The following TRMT61B variants were observed in gnomAD, a reference collection of about 807,000 sequenced individuals.
TRMT61B encodes tRNA methyltransferase 61B, also known as tRNA (adenine(58)-N(1))-methyltransferase, mitochondrial.
A neutral mutation model predicts 52.0 loss-of-function variants in TRMT61B; 56 were observed. The ratio of observed to expected loss-of-function variants is 1.08; its 90% CI spans 0.87 to 1.35. The LOEUF (loss-of-function observed/expected upper bound fraction) is 1.35. Among genes scored for constraint, TRMT61B ranks in the 40% most tolerant of loss-of-function variants. The probability of loss-of-function intolerance (pLI) is 0.00; values close to 1 mark genes in which losing one functional copy is unlikely to be tolerated. For missense variants in TRMT61B, 650 were observed against 577.9 expected (o/e 1.12, Z -1.28); for synonymous variants, 206 against 220.0 (o/e 0.94, Z 0.56).
chr2:28,853,180 CTT>C (rs772932797), intron 3 of TRMT61B, among the ~76,000 whole-genome samples: 18 of 143,518 alleles, frequency 1.3e-4, no homozygotes, highest in Admixed American at 1.4e-4. Flanking sequence ...TGTGAATTTC[CTT>C]TTTTTTTTTT....
In TRMT61B at chr2:28,850,114, C is replaced by G. The variant is rs1669008053; in HGVS notation, c.*85G>C. On this transcript the variant is annotated 3_prime_UTR_variant, in exon 7 of 7. Transcript: ENST00000306108. ...AAGTCATAGTAATAGCTAAAAATGC[C>G]AATCTATGGAAGCAGTGATTTTCAA... 2 of 1,338,868 alleles carry G rather than the reference C, an allele frequency of 1.5e-6. No homozygotes were observed. Among genetic ancestry groups the G allele is most frequent in the African/African-American group, 3.0e-5 (2 of 67,598 alleles). The allele number at this position is 1,338,868 out of a possible 1,614,324, so 82.9% of individuals were successfully genotyped here.
intron 3 of TRMT61B, among the ~76,000 whole-genome samples, chr2:28,854,395 C>A (rs554312122): frequency 6.6e-6 from 1 of 152,020 alleles, no homozygotes; most frequent in African/African-American, 2.4e-5. Context: ...TTGCTTGAGC[C>A]AGGAGTTCCA....
intron 3 of TRMT61B, among the ~76,000 whole-genome samples, chr2:28,858,197 G>A (rs911007439): frequency 6.6e-6 from 1 of 151,654 alleles, no homozygotes; most frequent in African/African-American, 2.4e-5. Context: ...CCCGCCACCA[G>A]GCCCGGCTAA....
intron 3 of TRMT61B, among the ~76,000 whole-genome samples, chr2:28,853,414 G>A (rs771142991): frequency 6.6e-6 from 1 of 152,118 alleles, no homozygotes; most frequent in East Asian, 1.9e-4. Flanking sequence ...GGATTCAAGC[G>A]ATCTGCCCGC....
At chr2:28,854,454 A>C (rs1220520688) in intron 3 of TRMT61B, among the ~76,000 whole-genome samples, 1 of 152,002 alleles carries the variant, frequency 6.6e-6, no homozygotes, top group Non-Finnish European at 1.5e-5. Context: ...AAAATAAAAA[A>C]AATGGCAGGG....
intron 3 of TRMT61B, 82 bp downstream of exon 3, chr2:28,861,036 C>T: frequency 3.4e-6 from 4 of 1,191,218 alleles, no homozygotes; most frequent in African/African-American, 1.6e-5. Context: ...CGAAGGAAGA[C>T]CTTTGCCCAT....
chr2:28,854,892 C>T (rs1669277501), intron 3 of TRMT61B, among the ~76,000 whole-genome samples: 1 of 151,878 alleles, frequency 6.6e-6, no homozygotes, highest in Admixed American at 6.6e-5. Context: ...TGCACTCCAG[C>T]CTGGGTGACA....
At chr2:28,869,215 C>T (rs539196637) in intron 1 of TRMT61B, among the ~76,000 whole-genome samples, 2 of 152,208 alleles carry the variant, frequency 1.3e-5, no homozygotes, top group Admixed American at 1.3e-4. Flanking sequence ...AAAAATTGTT[C>T]CCTAAGAGTT....
At position 28,869,920 on chromosome 2, in the gene TRMT61B, C is replaced by T. The variant is rs770930164; in HGVS notation, c.358G>A (p.Glu120Lys). 3 of 1,613,764 alleles carry T rather than the reference C, an allele frequency of 1.9e-6. No homozygotes were observed. In the South Asian group the frequency reaches 3.3e-5, roughly 18 times the overall value. The change falls in exon 1 of 7, where the codon GAG becomes AAG. Residue 120 changes from glutamate to lysine, a missense_variant. Coordinates refer to ENST00000306108, the MANE Select transcript of TRMT61B (RefSeq NM_017910.4). ...GRCGPTHQGS[E>K]DPSMLSQAQS... ...GCCTGCGAGAGCATCGAAGGATCCT[C>T]GGATCCCTGGTGTGTGGGACCGCAC... is the stretch of plus-strand genomic sequence containing the variant.
rs376642720 is a variant in TRMT61B, at chr2:28,861,346, T to C, written c.803-38A>G. 2.2e-5 allele frequency: 33 copies of C among 1,473,640 alleles called. No individual in the cohort carries two copies. The African/African-American group carries it at 3.3e-4, about 15-fold the overall frequency. The allele number at this position is 1,473,640 out of a possible 1,614,324, so 91.3% of individuals were successfully genotyped here. A position where few individuals can be genotyped will look rare whatever the true frequency, so the allele number is the denominator to read the frequency against. On this transcript the variant is annotated intron_variant, in intron 2 of 6. Coordinates refer to ENST00000306108, the MANE Select transcript of TRMT61B (RefSeq NM_017910.4). The stretch of plus-strand genomic sequence containing the variant: ...ATAATTTGATATTTCATAATATTAA[T>C]CAGTTTATTAAAAAGTGTCAAAAAT...
At chr2:28,861,713 C>T (rs1194136333) in intron 2 of TRMT61B, among the ~76,000 whole-genome samples, 1 of 152,186 alleles carries the variant, frequency 6.6e-6, no homozygotes. Context: ...TGTTTCTAGT[C>T]ATATGCTAAT....
chr2:28,860,553 C>T (rs1669559611), intron 3 of TRMT61B, among the ~76,000 whole-genome samples: 1 of 152,160 alleles, frequency 6.6e-6, no homozygotes, highest in African/African-American at 2.4e-5. Context: ...TATCTTTTTA[C>T]TTTCATCTTC....
intron 2 of TRMT61B, among the ~76,000 whole-genome samples, chr2:28,864,472 A>G (rs1669742684): frequency 6.6e-6 from 1 of 152,238 alleles, no homozygotes; most frequent in Non-Finnish European, 1.5e-5. Flanking sequence ...CAAACATAAT[A>G]ATGAATGAGA....
chr2:28,865,893 C>CTGGT (rs1414545067), intron 1 of TRMT61B, among the ~76,000 whole-genome samples: 1 of 151,704 alleles, frequency 6.6e-6, no homozygotes, highest in Non-Finnish European at 1.5e-5. Flanking sequence ...GTTGGCCAGG[C>CTGGT]TGGTCTTGAA....
intron 3 of TRMT61B, among the ~76,000 whole-genome samples, chr2:28,857,261 A>G (rs1202511646): frequency 6.6e-6 from 1 of 151,786 alleles, no homozygotes; most frequent in East Asian, 1.9e-4. Flanking sequence ...TAATTTTTTA[A>G]TATTTCTTAT....
At chr2:28,854,239 G>C (rs1361956444) in intron 3 of TRMT61B, among the ~76,000 whole-genome samples, 1 of 152,052 alleles carries the variant, frequency 6.6e-6, no homozygotes. Flanking sequence ...CTAATGAAGG[G>C]GTAGACATTA....
At chr2:28,862,333 G>T (rs889977378) in intron 2 of TRMT61B, among the ~76,000 whole-genome samples, 68 of 126,902 alleles carry the variant, frequency 5.4e-4, no homozygotes, top group East Asian at 1.5e-3. Context: ...TTTGAGTTTG[G>T]TTTTTTTTTT....
chr2:28,858,703 G>C lies in TRMT61B; in HGVS notation c.993+2415C>G, dbSNP rs566528028. Among the ~76,000 whole-genome samples, 8 of 143,358 alleles carry C rather than the reference G, an allele frequency of 5.6e-5. No homozygotes were observed. In the South Asian group the frequency reaches 1.9e-3, roughly 34 times the overall value. 94.0% of individuals were successfully genotyped at this position (143,358 alleles called of 152,430 possible). A position where few individuals can be genotyped will look rare whatever the true frequency, so the allele number is the denominator to read the frequency against. On this transcript the variant is annotated intron_variant, in intron 3 of 6. Coordinates refer to ENST00000306108, the MANE Select transcript of TRMT61B (RefSeq NM_017910.4). ...CCAGCTACTCAGGAGGCTGAGGCAC[G>C]AGAATCGCTTGAACCCGGGAGGCGG...
At chr2:28,867,119 A>G (rs562815012) in intron 1 of TRMT61B, among the ~76,000 whole-genome samples, 50 of 151,212 alleles carry the variant, frequency 3.3e-4, no homozygotes, top group Admixed American at 3.1e-3. Flanking sequence ...TTTTTGAGAT[A>G]GGATCTTACA....
Sources: allele counts gnomAD v4.1 joint callset (sites outside exome capture counted in the v4.1 genomes callset), GRCh38; gene constraint gnomAD v4.1.1; transcripts MANE v1.5; gene names NCBI Gene and HGNC (gene_info 2026-07-23, HGNC 2026-07-21).